The following MCTP2 variants were observed in gnomAD, a reference collection of about 807,000 sequenced individuals.
MCTP2 encodes multiple C2 and transmembrane domain containing 2, also known as multiple C2 and transmembrane domain-containing protein 2.
A neutral mutation model predicts 111.6 loss-of-function variants in MCTP2; 132 were observed. The ratio of observed to expected loss-of-function variants is 1.18; its 90% CI spans 1.03 to 1.37. The LOEUF (loss-of-function observed/expected upper bound fraction) is 1.37. Ranked by LOEUF, MCTP2 falls within the 40% of genes most tolerant of loss-of-function variation. MCTP2 has a pLI of 0.00. For synonymous variants in MCTP2, 395 were observed against 387.7 expected (o/e 1.02, Z -0.22); for missense variants, 1,183 against 1,067.9 (o/e 1.11, Z -1.50).
At chr15:94,296,564 A>G (rs1164702947) in intron 1 of MCTP2, among the ~76,000 whole-genome samples, 3 of 152,232 alleles carry the variant, frequency 2.0e-5, no homozygotes. Flanking sequence ...GAACTCTTAC[A>G]TAACTTGATT....
intron 14 of MCTP2, among the ~76,000 whole-genome samples, chr15:94,389,070 A>C (rs1234329791): frequency 6.6e-6 from 1 of 152,178 alleles, no homozygotes; most frequent in Non-Finnish European, 1.5e-5. Flanking sequence ...CCAAATAAAC[A>C]TATAAGTCTC....
chr15:94,320,041 A>G (rs2076554512), intron 4 of MCTP2, among the ~76,000 whole-genome samples: 1 of 152,088 alleles, frequency 6.6e-6, no homozygotes, highest in African/African-American at 2.4e-5. Context: ...ATAAGATTTT[A>G]CCTTTATAAA....
At chr15:94,371,242 G>A (rs1386846098) in intron 12 of MCTP2, among the ~76,000 whole-genome samples, 2 of 152,082 alleles carry the variant, frequency 1.3e-5, no homozygotes, top group African/African-American at 4.8e-5. Flanking sequence ...CCAAATAGAA[G>A]ATACAATTTT....
intron 17 of MCTP2, among the ~76,000 whole-genome samples, chr15:94,417,866 G>T (rs1484388833): frequency 6.6e-6 from 1 of 151,992 alleles, no homozygotes; most frequent in Non-Finnish European, 1.5e-5. Flanking sequence ...CCTGAATTCG[G>T]GTACCTTAGT....
intron 19 of MCTP2, among the ~76,000 whole-genome samples, chr15:94,445,000 G>C (rs977419093): frequency 6.6e-6 from 1 of 152,198 alleles, no homozygotes; most frequent in African/African-American, 2.4e-5. Context: ...TCAGGTCATA[G>C]TCTAGACCAG....
chr15:94,244,808 G>A (rs935434013), intron 1 of MCTP2, among the ~76,000 whole-genome samples: 3 of 136,056 alleles, frequency 2.2e-5, no homozygotes, highest in African/African-American at 8.5e-5. Flanking sequence ...GTTTATATAC[G>A]TATATGTATA....
At chr15:94,355,308 A>T (rs1409587314) in intron 8 of MCTP2, among the ~76,000 whole-genome samples, 1 of 152,240 alleles carries the variant, frequency 6.6e-6, no homozygotes, top group East Asian at 1.9e-4. Context: ...CAGACAGTGA[A>T]TCTGGTAATT....
At chr15:94,440,874 A>G (rs1050815362) in intron 18 of MCTP2, among the ~76,000 whole-genome samples, 4 of 152,152 alleles carry the variant, frequency 2.6e-5, no homozygotes, top group Admixed American at 6.5e-5. Flanking sequence ...ACCCTTTCTC[A>G]AAGACATCTC....
chr15:94,276,843 CAAAAA>C (rs10538124), intron 1 of MCTP2, among the ~76,000 whole-genome samples: 1 of 130,602 alleles, frequency 7.7e-6, no homozygotes, highest in African/African-American at 2.8e-5. Context: ...TAAACTAACC[CAAAAA>C]AAAAAAAAAA....
rs1425525062 is a variant in MCTP2, at chr15:94,482,675, G to C, written c.*3641G>C. ...TGTACACAAGTTAAAGGCAAACATTGTATATGAAAAGTGATCAAAACTACA... is the reference window on the plus strand; with the variant it reads ...TGTACACAAGTTAAAGGCAAACATTCTATATGAAAAGTGATCAAAACTACA... On this transcript the variant is annotated 3_prime_UTR_variant, in exon 23 of 23. Coordinates refer to ENST00000357742, the MANE Select transcript of MCTP2 (RefSeq NM_001385001.1). The C allele has an allele frequency of 1.3e-5, 2 of 152,208 alleles. No individual in the cohort carries two copies. The highest frequency in any genetic ancestry group is 2.9e-5 in the Non-Finnish European group (2 of 68,044). 9.4% of individuals were successfully genotyped at this position (152,208 alleles called of 1,614,324 possible).
intron 3 of MCTP2, chr15:94,314,808 T>C (rs1264250558): frequency 2.2e-6 from 1 of 454,084 alleles, no homozygotes; most frequent in East Asian, 7.0e-5. Flanking sequence ...AATTCTACAA[T>C]ATGGCCAGCA....
At position 94,390,078 on chromosome 15, in the gene MCTP2, A is replaced by ATATG. The variant is rs1555464874; in HGVS notation, c.1788+4556_1788+4557insGTAT. On this transcript the variant is annotated intron_variant, in intron 14 of 22. Transcript: ENST00000357742. ...TATATATATATATATATATATATATATATATATATATGTATATATATATAT... is the reference window on the plus strand; with the variant it reads ...TATATATATATATATATATATATATATATGTATATATATATGTATATATATATAT... 7.0e-4 allele frequency among the ~76,000 whole-genome samples: 33 copies of ATATG among 47,278 alleles called. 1 individual carries two copies. In the East Asian group the frequency reaches 9.9e-3, roughly 14 times the overall value. The allele number at this position is 47,278 out of a possible 152,430, so 31.0% of individuals were successfully genotyped here.
chr15:94,316,443 G>A (rs12903846), intron 4 of MCTP2, among the ~76,000 whole-genome samples: 48,372 of 151,788 alleles, frequency 0.32, 7,909 homozygotes, highest in Admixed American at 0.43. Flanking sequence ...ACCTGGGCCC[G>A]GATCTTGGCT....
intron 1 of MCTP2, among the ~76,000 whole-genome samples, chr15:94,252,859 C>T (rs987932822): frequency 1.3e-5 from 2 of 152,114 alleles, no homozygotes; most frequent in African/African-American, 2.4e-5. Context: ...ACCTTATTTA[C>T]AATTTCTACT....
intron 17 of MCTP2, among the ~76,000 whole-genome samples, chr15:94,408,564 A>G (rs2082009328): frequency 6.6e-6 from 1 of 152,230 alleles, no homozygotes; most frequent in Non-Finnish European, 1.5e-5. Context: ...CATAATTTTT[A>G]CAACATAATT....
intron 1 of MCTP2, among the ~76,000 whole-genome samples, chr15:94,262,984 G>A (rs1382378179): frequency 6.6e-6 from 1 of 152,092 alleles, no homozygotes; most frequent in African/African-American, 2.4e-5. Flanking sequence ...TTTCTTCTTT[G>A]TAGTAGAAAA....
chr15:94,446,130 A>G (rs1023021582), intron 19 of MCTP2, among the ~76,000 whole-genome samples: 4 of 152,246 alleles, frequency 2.6e-5, no homozygotes, highest in African/African-American at 9.6e-5. Flanking sequence ...AACTTGTATT[A>G]GAAACCAGAT....
intron 21 of MCTP2, among the ~76,000 whole-genome samples, chr15:94,473,650 A>T (rs1020212851): frequency 4.6e-5 from 7 of 152,122 alleles, no homozygotes; most frequent in African/African-American, 1.4e-4. Context: ...TTCAGGGTAG[A>T]TATTAATTCT....
intron 20 of MCTP2, among the ~76,000 whole-genome samples, chr15:94,466,101 C>T (rs2073258721): frequency 6.6e-6 from 1 of 151,938 alleles, no homozygotes; most frequent in South Asian, 2.1e-4. Flanking sequence ...AATTCTACTT[C>T]ATCAATTTTT....
Sources: allele counts gnomAD v4.1 joint callset (sites outside exome capture counted in the v4.1 genomes callset), GRCh38; gene constraint gnomAD v4.1.1; transcripts MANE v1.5; gene names NCBI Gene and HGNC (gene_info 2026-07-23, HGNC 2026-07-21).